Variants in CRLS1 observed in about 807,000 individuals in gnomAD.
CRLS1 encodes cardiolipin synthase 1.
Under a neutral mutation model 37.0 loss-of-function variants are expected in CRLS1, and 24 were observed. The observed-to-expected ratio is 0.65, with a 90% CI of 0.47 to 0.91. The LOEUF is 0.91. CRLS1 is among the 40% of genes least tolerant of loss of function. The pLI, the probability that CRLS1 is intolerant of heterozygous loss-of-function variation, is 0.00. For synonymous variants in CRLS1, 135 were observed against 159.7 expected, an observed-to-expected ratio of 0.85 and a Z score of 1.17; for missense variants, 373 against 395.8, an observed-to-expected ratio of 0.94 and a Z score of 0.49.
intron 2 of CRLS1, among the ~76,000 whole-genome samples, chr20:6,013,555 C>T (rs1445849638): frequency 6.6e-6 from 1 of 152,004 alleles, no homozygotes; most frequent in Non-Finnish European, 1.5e-5. Context: ...TGAGGATGGG[C>T]TGACTACGGT....
chr20:6,013,153 A>G lies in CRLS1; in HGVS notation c.445-2208A>G, dbSNP rs182270324. Among the ~76,000 whole-genome samples, 456 of 152,126 alleles carry G rather than the reference A, an allele frequency of 3.0e-3. 2 individuals carry two copies. The highest frequency in any genetic ancestry group is 9.7e-3 in the African/African-American group (403 of 41,494). ...TATATCTATGTGTATATAGATAGATAGATATAAAATCCTATATATAAAAAT... is the reference window on the plus strand; with the variant it reads ...TATATCTATGTGTATATAGATAGATGGATATAAAATCCTATATATAAAAAT... On this transcript the variant is annotated intron_variant, in intron 2 of 6. Coordinates refer to ENST00000378863, the MANE Select transcript of CRLS1 (RefSeq NM_019095.6).
chr20:6,037,210 AG>A lies in CRLS1; in HGVS notation c.*55del. On this transcript the variant is annotated 3_prime_UTR_variant, in exon 7 of 7. Transcript: ENST00000378863. ...GGAAGCAGTATACATCAATGGGAAC[AG>A]GGCCCATGGAAATGTACAGGAGTTT... The A allele has an allele frequency of 7.5e-7, 1 of 1,342,136 alleles. No homozygotes were observed. Among genetic ancestry groups the A allele is most frequent in the Non-Finnish European group, 1.1e-6 (1 of 945,164 alleles). The allele number at this position is 1,342,136 out of a possible 1,614,324, so 83.1% of individuals were successfully genotyped here.
At chr20:6,020,632 T>C (rs1979182314) in intron 3 of CRLS1, among the ~76,000 whole-genome samples, 1 of 152,036 alleles carries the variant, frequency 6.6e-6, no homozygotes, top group Admixed American at 6.6e-5. Flanking sequence ...TCCTGCTTTT[T>C]TTTTTTTTGA....
At chr20:6,026,949 T>C (rs1979756456) in intron 3 of CRLS1, among the ~76,000 whole-genome samples, 1 of 152,224 alleles carries the variant, frequency 6.6e-6, no homozygotes, top group Non-Finnish European at 1.5e-5. Flanking sequence ...AACTATTTCC[T>C]GCTTTGTGGG....
Position 6,006,556 on chromosome 20 carries a change from C to G in CRLS1, c.306+4C>G. On this transcript the variant is annotated splice_donor_region_variant and intron_variant, in intron 1 of 6. Coordinates refer to ENST00000378863, the MANE Select transcript of CRLS1 (RefSeq NM_019095.6). ...CCCGGCGAGCACCCCCAGCCTGGTA[C>G]GTACCGATGAGGCGGCGGCGGGCCG... The G allele has an allele frequency of 7.9e-7, 1 of 1,270,710 alleles. No homozygotes were observed. Among genetic ancestry groups the G allele is most frequent in the Non-Finnish European group, 9.9e-7 (1 of 1,013,120 alleles). The allele number at this position is 1,270,710 out of a possible 1,614,324, so 78.7% of individuals were successfully genotyped here. A position where few individuals can be genotyped will look rare whatever the true frequency, so the allele number is the denominator to read the frequency against.
chr20:6,027,478 G>C (rs1281381415), intron 3 of CRLS1, among the ~76,000 whole-genome samples: 1 of 151,950 alleles, frequency 6.6e-6, no homozygotes, highest in Non-Finnish European at 1.5e-5. Context: ...CGCAGTCTTG[G>C]CTCACTGCAA....
At chr20:6,024,113 C>A (rs982287504) in intron 3 of CRLS1, among the ~76,000 whole-genome samples, 1 of 152,080 alleles carries the variant, frequency 6.6e-6, no homozygotes, top group Non-Finnish European at 1.5e-5. Flanking sequence ...CCACCACACA[C>A]CCAGCTAAGT....
At chr20:6,022,882 T>C (rs1002821711) in intron 3 of CRLS1, among the ~76,000 whole-genome samples, 2 of 152,186 alleles carry the variant, frequency 1.3e-5, no homozygotes, top group African/African-American at 4.8e-5. Context: ...GGCTACAGTA[T>C]ACCTATGTTA....
Position 6,006,602 on chromosome 20 carries a change from C to A in CRLS1, c.306+50C>A, listed in dbSNP as rs1384751235. 2.4e-6 allele frequency: 3 copies of A among 1,243,468 alleles called. No individual in the cohort carries two copies. In the African/African-American group the frequency reaches 4.7e-5, roughly 19 times the overall value. 77.0% of individuals were successfully genotyped at this position (1,243,468 alleles called of 1,614,324 possible). A position where few individuals can be genotyped will look rare whatever the true frequency, so the allele number is the denominator to read the frequency against. On this transcript the variant is annotated intron_variant, in intron 1 of 6. Coordinates refer to ENST00000378863, the MANE Select transcript of CRLS1 (RefSeq NM_019095.6). The stretch of plus-strand genomic sequence containing the variant: ...GGCCGGCCCTGGGCTGGGGTCGCCG[C>A]CCCTGCACTCAGGTAACAAGCTCTG...
chr20:6,032,626 A>T (rs2123024765), intron 5 of CRLS1, among the ~76,000 whole-genome samples: 1 of 152,350 alleles, frequency 6.6e-6, no homozygotes, highest in South Asian at 2.1e-4. Context: ...GGAAAGGGAT[A>T]GGAAAATAGG....
chr20:6,007,363 G>A (rs1038952354), intron 1 of CRLS1: 3 of 1,613,074 alleles, frequency 1.9e-6, no homozygotes, highest in Non-Finnish European at 2.5e-6. Context: ...GCCATATCCT[G>A]ACTGAAGTCC....
At chr20:6,023,163 A>G (rs1489324850) in intron 3 of CRLS1, among the ~76,000 whole-genome samples, 2 of 152,130 alleles carry the variant, frequency 1.3e-5, no homozygotes, top group African/African-American at 4.8e-5. Flanking sequence ...CCCCTTGAAC[A>G]TGAGTTGTTT....
chr20:6,014,332 T>TA (rs1978572635), intron 2 of CRLS1, among the ~76,000 whole-genome samples: 1 of 152,240 alleles, frequency 6.6e-6, no homozygotes, highest in Admixed American at 6.5e-5. Flanking sequence ...CATTTTTTTT[T>TA]ACCACGGTCC....
At chr20:6,023,879 G>A (rs543280191) in intron 3 of CRLS1, among the ~76,000 whole-genome samples, 15 of 151,500 alleles carry the variant, frequency 9.9e-5, no homozygotes, top group African/African-American at 3.6e-4. Context: ...CAGATTCAAG[G>A]TTTGGCAACC....
rs1479034470 is a variant in CRLS1, at chr20:6,021,136, G to A, written c.574+5646G>A. On this transcript the variant is annotated intron_variant, in intron 3 of 6. Coordinates refer to ENST00000378863, the MANE Select transcript of CRLS1 (RefSeq NM_019095.6). ...GGCTAGAGTCCCATGGCACCATCTC[G>A]GCTCACTGCAGCCTCTGCCACCTGG... Among the ~76,000 whole-genome samples, 5 of 147,526 alleles carry A rather than the reference G, an allele frequency of 3.4e-5. No homozygotes were observed. In the East Asian group the frequency reaches 8.1e-4, roughly 24 times the overall value.
rs1208688906 is a variant in CRLS1, at chr20:6,006,323, G to GT, written c.78dup (p.Lys27Ter). ...GCTTGGGCTCCGGGAACGCGGCCGA[G>GT]TAAGCGACGCGCCTGCTGGGCCCTG... On this transcript the variant is annotated frameshift_variant, in exon 1 of 7. Coordinates refer to ENST00000378863, the MANE Select transcript of CRLS1 (RefSeq NM_019095.6). 92 of 1,343,612 alleles carry GT rather than the reference G, an allele frequency of 6.8e-5. No homozygotes were observed. Among genetic ancestry groups the GT allele is most frequent in the Non-Finnish European group, 8.4e-5 (88 of 1,046,602 alleles). The allele number at this position is 1,343,612 out of a possible 1,614,324, so 83.2% of individuals were successfully genotyped here. A position where few individuals can be genotyped will look rare whatever the true frequency, so the allele number is the denominator to read the frequency against.
At chr20:6,021,065 CTT>C (rs148717152) in intron 3 of CRLS1, among the ~76,000 whole-genome samples, 55,319 of 113,498 alleles carry the variant, frequency 0.49, 11,693 homozygotes, top group Middle Eastern at 0.68. Flanking sequence ...TGTTTTGTAT[CTT>C]TTTTTTTTTT....
At chr20:6,018,356 G>T (rs1212180119) in intron 3 of CRLS1, among the ~76,000 whole-genome samples, 1 of 151,876 alleles carries the variant, frequency 6.6e-6, no homozygotes, top group Non-Finnish European at 1.5e-5. Context: ...AATTTGCTTG[G>T]ATTTTTTACA....
At chr20:6,012,035 T>TC (rs1978359221) in intron 2 of CRLS1, among the ~76,000 whole-genome samples, 1 of 151,966 alleles carries the variant, frequency 6.6e-6, no homozygotes, top group Admixed American at 6.6e-5. Context: ...GCTACGTTTT[T>TC]TTTTTTCTTG....
Sources: allele counts gnomAD v4.1 joint callset (sites outside exome capture counted in the v4.1 genomes callset), GRCh38; gene constraint gnomAD v4.1.1; transcripts MANE v1.5; gene names NCBI Gene and HGNC (gene_info 2026-07-23, HGNC 2026-07-21).